The following SPDYC variants were observed in gnomAD, a reference collection of about 807,000 sequenced individuals.
The protein encoded by SPDYC is speedy protein C.
A neutral mutation model predicts 33.9 loss-of-function variants in SPDYC; 25 were observed. That is an observed-to-expected ratio of 0.74 (90% confidence interval 0.54 to 1.03). The LOEUF (loss-of-function observed/expected upper bound fraction) is 1.03, where lower values mean the gene tolerates loss of function less well. Ranked by LOEUF, SPDYC falls within the 50% of genes least tolerant of loss-of-function variation. SPDYC has a pLI of 0.00. For synonymous variants in SPDYC, 133 were observed against 140.2 expected (o/e 0.95, Z 0.36); for missense variants, 349 against 382.9 (o/e 0.91, Z 0.74).
chr11:65,173,012 G>A (rs747216721), exon 6 of SPDYC: 6 of 1,612,692 alleles, frequency 3.7e-6, no homozygotes, highest in Admixed American at 1.7e-5. Flanking sequence ...TACTCCCTCC[G>A]CAGTGAGTGC....
chr11:65,171,297 T>G, intron 1 of SPDYC, 30 bp from the exon 2 acceptor site: 1 of 1,586,914 alleles, frequency 6.3e-7, no homozygotes, highest in Non-Finnish European at 8.6e-7. Flanking sequence ...CGGGGGTACA[T>G]GCTAAGTCCT....
chr11:65,170,253 T>C (rs1017249275), exon 1 of SPDYC: 3 of 1,578,292 alleles, frequency 1.9e-6, no homozygotes, highest in Non-Finnish European at 2.6e-6. Flanking sequence ...GGGCCATTCC[T>C]GAGCTCGGGT....
At chr11:65,173,331 C>T, downstream of SPDYC, 1 of 1,242,050 alleles carries the variant, frequency 8.1e-7, no homozygotes, top group Non-Finnish European at 1.1e-6. Context: ...CACTCTGGTG[C>T]CAGTCCCCTC....
intron 1 of SPDYC, 98 bp downstream of exon 1, chr11:65,170,359 C>T: frequency 1.6e-6 from 2 of 1,267,166 alleles, no homozygotes; most frequent in Non-Finnish European, 1.0e-6. Context: ...TTCTCCTCGG[C>T]CCCGTGGTTG....
At chr11:65,171,416 G>A (rs753504648) in exon 2 of SPDYC, 1 of 1,606,992 alleles carries the variant, frequency 6.2e-7, no homozygotes, top group East Asian at 2.3e-5. Flanking sequence ...GTAGAGCTGG[G>A]GGGCTGCAGC....
At chr11:65,170,605 C>CT (rs138182020) in intron 1 of SPDYC, among the ~76,000 whole-genome samples, 29,391 of 147,986 alleles carry the variant, frequency 0.2, 3,179 homozygotes, top group Non-Finnish European at 0.26. Context: ...TTTTTTTTTT[C>CT]TTTTTTTTTG....
At position 65,171,312 on chromosome 11, in the gene SPDYC, C is replaced by T; in HGVS notation, c.27-15C>T. On this transcript the variant is annotated splice_polypyrimidine_tract_variant and intron_variant, in intron 1 of 6. Coordinates refer to ENST00000377185, the Ensembl canonical transcript of SPDYC. ...CGGGGGTACATGCTAAGTCCTGAGC[C>T]TCCTTTCTCTACAGGTCACCCTGCC... 4 of 1,602,448 alleles carry T rather than the reference C, an allele frequency of 2.5e-6. No individual in the cohort carries two copies. The highest frequency in any genetic ancestry group is 2.3e-5 in the East Asian group (1 of 43,594).
At position 65,172,922 on chromosome 11, in the gene SPDYC, ATC is replaced by A; in HGVS notation, c.760_761del (p.Ser254LysfsTer?). On this transcript the variant is annotated frameshift_variant, in exon 6 of 7. Transcript: ENST00000377185. LOFTEE classifies it high-confidence loss of function. ...TGTCATCGCCCTCCCTCCCAAAATT[ATC>A]TCTCAAGGGTCAAAAACGCCTGGGG... The A allele has an allele frequency of 1.2e-6, 2 of 1,613,832 alleles. No homozygotes were observed. The highest frequency in any genetic ancestry group is 1.6e-4 in the Middle Eastern group (1 of 6,062).
exon 2 of SPDYC, chr11:65,171,391 G>A (rs373060248): frequency 6.2e-7 from 1 of 1,610,916 alleles, no homozygotes; most frequent in African/African-American, 1.3e-5. Flanking sequence ...CACTTCCCCT[G>A]TAGTTACCAC....
intron 5 of SPDYC, 22 bp from the exon 6 acceptor site, chr11:65,172,662 C>G (rs1310628827): frequency 6.3e-7 from 1 of 1,576,930 alleles, no homozygotes; most frequent in Non-Finnish European, 8.6e-7. Flanking sequence ...ACCCCATTTA[C>G]TGTCCACTCT....
chr11:65,173,198 C>T lies in SPDYC; in HGVS notation c.863C>T (p.Pro288Leu), dbSNP rs376375962. Residue 288 changes from proline to leucine, a missense_variant, in exon 7 of 7, where the codon CCG (proline) becomes CTG (leucine). Pro to Leu is a moderately conservative substitution (Grantham distance 98). Coordinates refer to ENST00000377185, the Ensembl canonical transcript of SPDYC. ...CTCTCCCCAGTCTTCCCAAAGCCTC[C>T]GGCACGCCCTGGGCACTGAAGCTCT... The T allele has an allele frequency of 3.7e-5, 60 of 1,613,820 alleles. No homozygotes were observed. The highest frequency in any genetic ancestry group is 3.0e-4 in the South Asian group (27 of 91,072).
At chr11:65,171,427 C>A in exon 2 of SPDYC, 1 of 1,605,126 alleles carries the variant, frequency 6.2e-7, no homozygotes, top group Non-Finnish European at 8.5e-7. Context: ...GGGCTGCAGC[C>A]GGCAAGGTGG....
exon 7 of SPDYC, chr11:65,173,244 C>T: frequency 6.2e-7 from 1 of 1,611,038 alleles, no homozygotes; most frequent in African/African-American, 1.3e-5. Context: ...GAACAGCACG[C>T]CTGCTGGCCC....
At position 65,173,193 on chromosome 11, in the gene SPDYC, G is replaced by A. The variant is rs748087964; in HGVS notation, c.858G>A (p.Lys286=). 2.0e-5 allele frequency: 32 copies of A among 1,613,968 alleles called. 2 individuals are homozygous for A. The Middle Eastern group carries it at 3.3e-3, about 166-fold the overall frequency. The change falls in exon 7 of 7, where the codon AAG becomes AAA. Residue 286 remains lysine, a synonymous_variant. Transcript: ENST00000377185. ...CTTTCCTCTCCCCAGTCTTCCCAAAGCCTCCGGCACGCCCTGGGCACTGAA... is the reference window on the plus strand; with the variant it reads ...CTTTCCTCTCCCCAGTCTTCCCAAAACCTCCGGCACGCCCTGGGCACTGAA...
chr11:65,173,293 C>T, downstream of SPDYC: 1 of 1,530,208 alleles, frequency 6.5e-7, no homozygotes, highest in African/African-American at 1.4e-5. Context: ...CCACCCCTGC[C>T]CCTTCCTCCC....
chr11:65,170,330 TG>T, intron 1 of SPDYC, 69 bp downstream of exon 1: 1 of 1,467,568 alleles, frequency 6.8e-7, no homozygotes, highest in East Asian at 2.6e-5. Context: ...AGATTGGCCC[TG>T]GGGTGGTCGA....
At chr11:65,172,287 C>A (rs1948444798) in exon 4 of SPDYC, 1 of 1,614,150 alleles carries the variant, frequency 6.2e-7, no homozygotes, top group Non-Finnish European at 8.5e-7. Context: ...AGCGCGCCCA[C>A]CTGAAGCTCA....
intron 6 of SPDYC, 81 bp downstream of exon 6, chr11:65,173,095 A>G: frequency 6.3e-7 from 1 of 1,597,410 alleles, no homozygotes. Context: ...TATGAGAGAG[A>G]GGGCCATGGG....
At chr11:65,172,690 G>T in exon 6 of SPDYC, 1 of 1,603,244 alleles carries the variant, frequency 6.2e-7, no homozygotes, top group Non-Finnish European at 8.5e-7. Flanking sequence ...CCAGGTCATG[G>T]CAAAGGAGCC....
Sources: allele counts gnomAD v4.1 joint callset (sites outside exome capture counted in the v4.1 genomes callset), GRCh38; gene constraint gnomAD v4.1.1; transcripts MANE v1.5; gene names NCBI Gene and HGNC (gene_info 2026-07-23, HGNC 2026-07-21).